The following TFAP2B variants were observed in gnomAD, a reference collection of about 807,000 sequenced individuals.
TFAP2B encodes the protein transcription factor AP-2 beta.
A neutral mutation model predicts 44.3 loss-of-function variants in TFAP2B; 9 were observed. The observed-to-expected ratio is 0.20, with a 90% confidence interval of 0.12 to 0.35. The LOEUF (loss-of-function observed/expected upper bound fraction) is 0.35, where lower values mean the gene tolerates loss of function less well. TFAP2B is among the 10% of genes least tolerant of loss of function. TFAP2B has a pLI of 1.00. For missense variants in TFAP2B, 509 were observed against 600.0 expected, an observed-to-expected ratio of 0.85 and a Z score of 1.59; for synonymous variants, 270 against 263.8, an observed-to-expected ratio of 1.02 and a Z score of -0.23.
intron 5 of TFAP2B, among the ~76,000 whole-genome samples, chr6:50,838,704 T>C (rs1323636731): frequency 6.6e-6 from 1 of 152,180 alleles, no homozygotes; most frequent in Non-Finnish European, 1.5e-5. Context: ...ATAATTGCAA[T>C]AAGCACCTTA....
rs566041413 is a variant in TFAP2B at position 50,819,523 on chromosome 6, G to A, written c.81+551G>A. On this transcript the variant is annotated intron_variant, in intron 1 of 6. Coordinates refer to ENST00000393655, the MANE Select transcript of TFAP2B (RefSeq NM_003221.4). Reference sequence around the variant, plus strand: ...TGGATAGAGCAAAATAGAAGTCGTAGCAGTTTATTAGTTTCTGTTTTCTTG... The same window carrying A: ...TGGATAGAGCAAAATAGAAGTCGTAACAGTTTATTAGTTTCTGTTTTCTTG... Among the ~76,000 whole-genome samples, 11 of 152,322 alleles carry A rather than the reference G, an allele frequency of 7.2e-5. 1 individual carries two copies. In the East Asian group the frequency reaches 1.9e-3, roughly 27 times the overall value.
In TFAP2B at chr6:50,843,728, C is replaced by T. The variant is rs1339245007; in HGVS notation, c.*336C>T. ...TTTGGAAAATAAACATAAGACTAAA[C>T]ATGAGAAAAACGCTAACTTATTGGA... On this transcript the variant is annotated 3_prime_UTR_variant, in exon 7 of 7. Transcript: ENST00000393655. The T allele has an allele frequency of 4.6e-6, 1 of 219,358 alleles. No homozygotes were observed. Among genetic ancestry groups the T allele is most frequent in the Non-Finnish European group, 8.9e-6 (1 of 112,364 alleles). 13.6% of individuals were successfully genotyped at this position (219,358 alleles called of 1,614,324 possible).
At chr6:50,818,694 G>A (rs974934591), upstream of TFAP2B, 3 of 591,516 alleles carry the variant, frequency 5.1e-6, no homozygotes, top group Non-Finnish European at 9.0e-6. Context: ...TCTGTGGGTT[G>A]CATCTAACTC....
At chr6:50,838,338 C>A (rs1762662526) in intron 5 of TFAP2B, among the ~76,000 whole-genome samples, 2 of 152,164 alleles carry the variant, frequency 1.3e-5, no homozygotes, top group African/African-American at 4.8e-5. Flanking sequence ...CAGGTCCAGC[C>A]TCCAAGACAA....
upstream of TFAP2B, chr6:50,818,675 G>C (rs1210755240): frequency 1.8e-6 from 1 of 568,298 alleles, no homozygotes; most frequent in Admixed American, 3.0e-5. Context: ...GATTTTTATA[G>C]TATATATGTC....
At chr6:50,839,265 T>A (rs903348562) in intron 5 of TFAP2B, among the ~76,000 whole-genome samples, 5 of 152,178 alleles carry the variant, frequency 3.3e-5, no homozygotes, top group African/African-American at 1.2e-4. Context: ...CCAATATTTG[T>A]TTGGCAGTTT....
At chr6:50,842,292 C>T (rs1762748875) in intron 6 of TFAP2B, among the ~76,000 whole-genome samples, 1 of 152,154 alleles carries the variant, frequency 6.6e-6, no homozygotes, top group South Asian at 2.1e-4. Context: ...TAGGTAGGCA[C>T]GCAGGATTTC....
In TFAP2B at chr6:50,823,637, T is replaced by A. The variant is rs1770419894; in HGVS notation, c.312T>A (p.His104Gln). 3.1e-6 allele frequency: 5 copies of A among 1,613,604 alleles called. No individual in the cohort carries two copies. Among genetic ancestry groups the A allele is most frequent in the South Asian group, 2.2e-5 (2 of 91,050 alleles). Residue 104 changes from histidine to glutamine, a missense_variant, in exon 2 of 7, where the codon CAT (histidine) becomes CAA (glutamine). Transcript: ENST00000393655. ...ACCCACTGCACCAGCCCCAGCAACA[T>A]CCCTGGGGGCAACGGCAGCGGCAAG... Reference protein sequence around the residue: ...SLNPLHQPQQHPWGQRQRQEV... With the variant: ...SLNPLHQPQQQPWGQRQRQEV...
chr6:50,819,881 C>G (rs1378982202), intron 1 of TFAP2B, among the ~76,000 whole-genome samples: 1 of 138,886 alleles, frequency 7.2e-6, no homozygotes, highest in Non-Finnish European at 1.6e-5. Context: ...GAGAGGCGGC[C>G]GAGGCGGGCG....
At chr6:50,841,449 T>A (rs1167538983) in intron 6 of TFAP2B, among the ~76,000 whole-genome samples, 1 of 151,466 alleles carries the variant, frequency 6.6e-6, no homozygotes, top group Non-Finnish European at 1.5e-5. Flanking sequence ...GTGGGGGGGA[T>A]CAGTTGTGCT....
intron 5 of TFAP2B, among the ~76,000 whole-genome samples, chr6:50,839,900 C>T (rs1357792363): frequency 2.0e-5 from 3 of 152,082 alleles, no homozygotes; most frequent in Non-Finnish European, 4.4e-5. Flanking sequence ...TAGGAGACCC[C>T]GTAGCTATTC....
At chr6:50,819,832 C>T (rs1009632190) in intron 1 of TFAP2B, among the ~76,000 whole-genome samples, 4 of 151,740 alleles carry the variant, frequency 2.6e-5, no homozygotes, top group African/African-American at 9.7e-5. Context: ...GCGGACGAGG[C>T]GGCCGAGGCG....
In TFAP2B at chr6:50,843,165, A is replaced by G; in HGVS notation, c.1156A>G (p.Ile386Val). 1 of 1,614,240 alleles carries G rather than the reference A, an allele frequency of 6.2e-7. No individual in the cohort carries two copies. Among genetic ancestry groups the G allele is most frequent in the Non-Finnish European group, 8.5e-7 (1 of 1,180,044 alleles). Reference protein sequence around the residue: ...TPIGNSRPSPILEPGIQSCLT... With the variant: ...TPIGNSRPSPVLEPGIQSCLT... The stretch of plus-strand genomic sequence containing the variant: ...GATAGGGAACAGCCGACCCAGCCCC[A>G]TCCTGGAGCCGGGGATCCAGAGCTG... Residue 386 changes from isoleucine to valine, a missense_variant, in exon 7 of 7, where the codon ATC (isoleucine) becomes GTC (valine). This residue lies in a region of TFAP2B where 168 missense variants were observed against 183.2 expected (regional missense o/e 0.92). Transcript: ENST00000393655.
Position 50,845,807 on chromosome 6 carries a change from A to C in TFAP2B, c.*2415A>C, listed in dbSNP as rs1163477129. On this transcript the variant is annotated 3_prime_UTR_variant, in exon 7 of 7. Transcript: ENST00000393655. ...GGGCCACAGGCGCCCAGTCGTGTTG[A>C]GGACATAGAATCAGCCGCTGGAGGG... is the stretch of plus-strand genomic sequence containing the variant. 6.6e-6 allele frequency: 1 copy of C among 152,666 alleles called. No homozygotes were observed. The highest frequency in any genetic ancestry group is 1.5e-5 in the Non-Finnish European group (1 of 68,062). The allele number at this position is 152,666 out of a possible 1,614,324, so 9.5% of individuals were successfully genotyped here.
At chr6:50,818,845 T>C (rs753154944), upstream of TFAP2B, 3 of 1,575,206 alleles carry the variant, frequency 1.9e-6, no homozygotes, top group Admixed American at 5.0e-5. Flanking sequence ...GATGGATCAT[T>C]ACAGACAGCG....
rs1762801683 is a variant in TFAP2B, at chr6:50,844,510, C to G, written c.*1118C>G. ...TAATCAAAGCCTGTGTGTCAGAATTCTGCAGGTGCACTTCTTTAAAGAAGC... is the reference window on the plus strand; with the variant it reads ...TAATCAAAGCCTGTGTGTCAGAATTGTGCAGGTGCACTTCTTTAAAGAAGC... On this transcript the variant is annotated 3_prime_UTR_variant, in exon 7 of 7. Transcript: ENST00000393655. 6.6e-6 allele frequency: 1 copy of G among 152,554 alleles called. No individual in the cohort carries two copies. The highest frequency in any genetic ancestry group is 2.1e-4 in the South Asian group (1 of 4,830). The allele number at this position is 152,554 out of a possible 1,614,324, so 9.5% of individuals were successfully genotyped here. A position where few individuals can be genotyped will look rare whatever the true frequency, so the allele number is the denominator to read the frequency against.
rs567202499 is a variant in TFAP2B at position 50,844,214 on chromosome 6, A to T, written c.*822A>T. The T allele has an allele frequency of 2.2e-4, 34 of 152,212 alleles. No homozygotes were observed. Among genetic ancestry groups the T allele is most frequent in the African/African-American group, 8.2e-4 (34 of 41,524 alleles). The allele number at this position is 152,212 out of a possible 1,614,324, so 9.4% of individuals were successfully genotyped here. A position where few individuals can be genotyped will look rare whatever the true frequency, so the allele number is the denominator to read the frequency against. ...CCTTTCAGAAATGTTACTAGCTCCC[A>T]GCCTTGCCAGCATCTGCATAGAGAG... On this transcript the variant is annotated 3_prime_UTR_variant, in exon 7 of 7. Transcript: ENST00000393655.
chr6:50,836,934 C>T (rs1411308193), intron 4 of TFAP2B, among the ~76,000 whole-genome samples: 1 of 152,126 alleles, frequency 6.6e-6, no homozygotes, highest in African/African-American at 2.4e-5. Flanking sequence ...CACAGTATTC[C>T]ACAGCCCAGA....
At chr6:50,819,410 T>G (rs1410506836) in intron 1 of TFAP2B, among the ~76,000 whole-genome samples, 1 of 151,994 alleles carries the variant, frequency 6.6e-6, no homozygotes, top group African/African-American at 2.4e-5. Context: ...ATTTTTATTT[T>G]CAATAAAATT....
Sources: allele counts gnomAD v4.1 joint callset (sites outside exome capture counted in the v4.1 genomes callset), GRCh38; gene constraint gnomAD v4.1.1; regional missense constraint gnomAD v4.1.1; transcripts MANE v1.5; gene names NCBI Gene and HGNC (gene_info 2026-07-23, HGNC 2026-07-21).